The following IPCEF1 variants were observed in gnomAD, a reference collection of about 807,000 sequenced individuals.
The protein encoded by IPCEF1 is interaction protein for cytohesin exchange factors 1.
A neutral mutation model predicts 50.9 loss-of-function variants in IPCEF1; 31 were observed. The ratio of observed to expected loss-of-function variants is 0.61; its 90% CI spans 0.46 to 0.82. The LOEUF is 0.82. Ranked by LOEUF, IPCEF1 falls within the 40% of genes least tolerant of loss-of-function variation. The pLI is 0.00. For synonymous variants in IPCEF1, 181 were observed against 192.0 expected (o/e 0.94, Z 0.47); for missense variants, 458 against 514.0 (o/e 0.89, Z 1.05).
At chr6:154,287,153 TTCTCTCCC>T (rs1782382372) in intron 2 of IPCEF1, among the ~76,000 whole-genome samples, 1 of 109,450 alleles carries the variant, frequency 9.1e-6, no homozygotes, top group Non-Finnish European at 1.9e-5. Flanking sequence ...CACTTTGCCC[TTCTCTCCC>T]TCTCTCTCTC....
intron 2 of IPCEF1, among the ~76,000 whole-genome samples, chr6:154,271,732 C>A (rs564933494): frequency 6.6e-6 from 1 of 152,078 alleles, no homozygotes; most frequent in Non-Finnish European, 1.5e-5. Flanking sequence ...ATCTGTAATC[C>A]CAGCAGTTTG....
rs553536230 is a variant in IPCEF1, at chr6:154,265,311, C to T, written c.36+601G>A. 4.0e-5 allele frequency among the ~76,000 whole-genome samples: 6 copies of T among 151,644 alleles called. No individual in the cohort carries two copies. In the East Asian group the frequency reaches 7.7e-4, roughly 20 times the overall value. ...GTTTTTTTTTTTTGAGGCGGAGTCT[C>T]GCTCTGTTGCCCAGGCTGGAGTGCA... is the stretch of plus-strand genomic sequence containing the variant. On this transcript the variant is annotated intron_variant, in intron 3 of 11. Transcript: ENST00000367220.
At chr6:154,334,464 A>T (rs1168354299) in intron 1 of IPCEF1, among the ~76,000 whole-genome samples, 4 of 139,306 alleles carry the variant, frequency 2.9e-5, no homozygotes, top group Admixed American at 2.3e-4. Context: ...ACTATAAGGC[A>T]TCAAAGGCAA....
chr6:154,328,996 C>A (rs1231210401), intron 1 of IPCEF1, among the ~76,000 whole-genome samples: 1 of 152,092 alleles, frequency 6.6e-6, no homozygotes, highest in Non-Finnish European at 1.5e-5. Flanking sequence ...AAATTTATAT[C>A]TTTTTTCAAA....
chr6:154,308,022 C>G (rs1349312597), intron 1 of IPCEF1, among the ~76,000 whole-genome samples: 1 of 152,160 alleles, frequency 6.6e-6, no homozygotes, highest in Non-Finnish European at 1.5e-5. Flanking sequence ...TAAATAAAAA[C>G]AGTTCTCCAG....
intron 7 of IPCEF1, among the ~76,000 whole-genome samples, chr6:154,219,424 C>T (rs1420899524): frequency 6.6e-6 from 1 of 152,156 alleles, no homozygotes; most frequent in Non-Finnish European, 1.5e-5. Context: ...AAAGCCAGGA[C>T]AGCAGGAGGT....
chr6:154,182,917 G>A (rs1433443250), intron 10 of IPCEF1, among the ~76,000 whole-genome samples: 2 of 152,228 alleles, frequency 1.3e-5, no homozygotes, highest in African/African-American at 2.4e-5. Flanking sequence ...AAAGGAAGAA[G>A]TTAGCTTATC....
chr6:154,202,118 A>G (rs945904464), intron 9 of IPCEF1, among the ~76,000 whole-genome samples: 3 of 152,198 alleles, frequency 2.0e-5, no homozygotes, highest in South Asian at 2.1e-4. Flanking sequence ...TGTGTACCCA[A>G]TCAGTTCCAT....
intron 1 of IPCEF1, among the ~76,000 whole-genome samples, chr6:154,321,750 A>G (rs1334226160): frequency 7.1e-6 from 1 of 141,574 alleles, no homozygotes; most frequent in Non-Finnish European, 1.5e-5. Flanking sequence ...ATTGCATTTC[A>G]GCCTGGGTGA....
At chr6:154,219,149 A>C (rs1311658818) in intron 7 of IPCEF1, 1 of 152,260 alleles carries the variant, frequency 6.6e-6, no homozygotes, top group Non-Finnish European at 1.5e-5. Context: ...TGGGATTTAC[A>C]GAGCAAACGT....
chr6:154,244,992 A>G (rs544105074), intron 5 of IPCEF1, among the ~76,000 whole-genome samples: 1 of 152,270 alleles, frequency 6.6e-6, no homozygotes, highest in South Asian at 2.1e-4. Flanking sequence ...ACCCCAAAAC[A>G]AAGGCCTGAA....
At chr6:154,200,123 G>C in intron 9 of IPCEF1, 83 bp from the exon 10 acceptor site, 1 of 1,263,326 alleles carries the variant, frequency 7.9e-7, no homozygotes, top group Non-Finnish European at 1.1e-6. Flanking sequence ...TTTCAATCAC[G>C]GTGTCCCCGT....
At chr6:154,353,390 T>C (rs1272919923) in intron 1 of IPCEF1, among the ~76,000 whole-genome samples, 1 of 149,436 alleles carries the variant, frequency 6.7e-6, no homozygotes, top group Non-Finnish European at 1.5e-5. Flanking sequence ...CGGATTCAAG[T>C]GGTTCTTGTG....
intron 5 of IPCEF1, among the ~76,000 whole-genome samples, chr6:154,243,866 C>G (rs1231843637): frequency 1.3e-5 from 2 of 152,184 alleles, no homozygotes; most frequent in Non-Finnish European, 2.9e-5. Context: ...GTGGAGACAA[C>G]TACTACCTCT....
intron 5 of IPCEF1, among the ~76,000 whole-genome samples, chr6:154,230,275 T>A (rs942749846): frequency 3.9e-5 from 6 of 152,180 alleles, no homozygotes; most frequent in African/African-American, 1.4e-4. Flanking sequence ...AAATCTCCCA[T>A]GCAGATGGGG....
intron 10 of IPCEF1, among the ~76,000 whole-genome samples, chr6:154,183,399 T>G (rs1485513744): frequency 6.6e-6 from 1 of 152,240 alleles, no homozygotes; most frequent in Non-Finnish European, 1.5e-5. Context: ...ATGGATGACT[T>G]AATGCTTTAA....
intron 5 of IPCEF1, among the ~76,000 whole-genome samples, chr6:154,228,212 T>G (rs1023054867): frequency 1.3e-5 from 2 of 151,918 alleles, no homozygotes; most frequent in African/African-American, 4.8e-5. Context: ...ACGCCTGTAA[T>G]CCCAGCGCTT....
intron 1 of IPCEF1, among the ~76,000 whole-genome samples, chr6:154,293,671 C>T (rs1006049227): frequency 6.6e-6 from 1 of 152,216 alleles, no homozygotes; most frequent in Non-Finnish European, 1.5e-5. Context: ...TTTCCACTTC[C>T]ACAGAGCTCT....
At chr6:154,233,121 G>T (rs986944405) in intron 5 of IPCEF1, among the ~76,000 whole-genome samples, 2 of 151,926 alleles carry the variant, frequency 1.3e-5, no homozygotes, top group Admixed American at 1.3e-4. Flanking sequence ...GGCATGTGCC[G>T]CCACGCCCAG....
Sources: allele counts gnomAD v4.1 joint callset (sites outside exome capture counted in the v4.1 genomes callset), GRCh38; gene constraint gnomAD v4.1.1; transcripts MANE v1.5; gene names NCBI Gene and HGNC (gene_info 2026-07-23, HGNC 2026-07-21).